ARHGAP15: variants seen among roughly 807,000 people sequenced by gnomAD.
ARHGAP15 encodes Rho GTPase activating protein 15.
Under a neutral mutation model 63.7 loss-of-function variants are expected in ARHGAP15, and 51 were observed. The ratio of observed to expected loss-of-function variants is 0.80; its 90% CI spans 0.64 to 1.01. ARHGAP15 has a LOEUF of 1.01. Among genes scored for constraint, ARHGAP15 ranks in the 50% least tolerant of loss-of-function variants. The pLI is 0.00. For synonymous variants in ARHGAP15, 191 were observed against 193.8 expected, an observed-to-expected ratio of 0.99 and a Z score of 0.12; for missense variants, 560 against 564.6, an observed-to-expected ratio of 0.99 and a Z score of 0.08.
intron 5 of ARHGAP15, among the ~76,000 whole-genome samples, chr2:143,249,270 T>A (rs553760935): frequency 1.3e-5 from 2 of 152,106 alleles, no homozygotes; most frequent in South Asian, 2.1e-4. Flanking sequence ...TTATACAATG[T>A]TTCAAAAAAA....
chr2:143,446,021 G>C (rs373087400), intron 8 of ARHGAP15, among the ~76,000 whole-genome samples: 1 of 151,822 alleles, frequency 6.6e-6, no homozygotes, highest in East Asian at 1.9e-4. Context: ...ATGAGATTGT[G>C]TAAGAAATTT....
chr2:143,321,760 T>C (rs961622935), intron 6 of ARHGAP15, among the ~76,000 whole-genome samples: 13 of 152,334 alleles, frequency 8.5e-5, no homozygotes, highest in Non-Finnish European at 1.8e-4. Flanking sequence ...GTAATGGCAC[T>C]GTCACAGCTC....
At chr2:143,302,207 A>G (rs1317751521) in intron 6 of ARHGAP15, among the ~76,000 whole-genome samples, 1 of 151,928 alleles carries the variant, frequency 6.6e-6, no homozygotes, top group East Asian at 1.9e-4. Context: ...TTGGTGTTCC[A>G]TATCCATCAA....
At chr2:143,553,857 G>A (rs1322446438) in intron 10 of ARHGAP15, among the ~76,000 whole-genome samples, 2 of 152,128 alleles carry the variant, frequency 1.3e-5, no homozygotes, top group East Asian at 3.8e-4. Flanking sequence ...CATTTCAATA[G>A]CATATAGAAT....
At chr2:143,501,319 A>G (rs987518151) in intron 9 of ARHGAP15, among the ~76,000 whole-genome samples, 23 of 152,236 alleles carry the variant, frequency 1.5e-4, no homozygotes, top group Non-Finnish European at 3.4e-4. Context: ...AGCCTTTACA[A>G]TGTTACAATG....
At chr2:143,619,200 C>T (rs1698561917) in intron 11 of ARHGAP15, among the ~76,000 whole-genome samples, 1 of 152,150 alleles carries the variant, frequency 6.6e-6, no homozygotes, top group African/African-American at 2.4e-5. Context: ...GTTCATCTTT[C>T]AGTTCTTTTT....
intron 9 of ARHGAP15, among the ~76,000 whole-genome samples, chr2:143,490,815 A>T (rs1170383849): frequency 6.6e-6 from 1 of 151,878 alleles, no homozygotes; most frequent in Non-Finnish European, 1.5e-5. Flanking sequence ...TTTAGTAGAG[A>T]TGGGGTTTTG....
At chr2:143,142,086 G>GTTT (rs757225134) in intron 1 of ARHGAP15, among the ~76,000 whole-genome samples, 10 of 151,296 alleles carry the variant, frequency 6.6e-5, no homozygotes, top group African/African-American at 2.4e-4. Context: ...ATACTTTTCT[G>GTTT]TTTTTTTTTA....
chr2:143,251,901 C>T (rs1680176056), intron 6 of ARHGAP15, among the ~76,000 whole-genome samples: 1 of 151,984 alleles, frequency 6.6e-6, no homozygotes, highest in African/African-American at 2.4e-5. Flanking sequence ...CCCCTTTCCC[C>T]CAATTTCTTA....
chr2:143,472,201 C>T (rs1691609616), intron 8 of ARHGAP15, among the ~76,000 whole-genome samples: 1 of 151,990 alleles, frequency 6.6e-6, no homozygotes, highest in Non-Finnish European at 1.5e-5. Context: ...TCAAATCAGA[C>T]CTCCTGCCAT....
intron 11 of ARHGAP15, among the ~76,000 whole-genome samples, chr2:143,620,179 C>T (rs183269136): frequency 1.2e-3 from 179 of 152,046 alleles, no homozygotes; most frequent in African/African-American, 4.2e-3. Flanking sequence ...CATTTGATAC[C>T]AACAATTATC....
intron 6 of ARHGAP15, among the ~76,000 whole-genome samples, chr2:143,413,826 T>A (rs1688549092): frequency 6.6e-6 from 1 of 152,108 alleles, no homozygotes; most frequent in Non-Finnish European, 1.5e-5. Flanking sequence ...AAGACCAAAC[T>A]GTGAGCTCAT....
At chr2:143,548,812 A>ATTTCTGCT (rs1351245700) in intron 10 of ARHGAP15, among the ~76,000 whole-genome samples, 1 of 136,676 alleles carries the variant, frequency 7.3e-6, no homozygotes, top group East Asian at 2.2e-4. Context: ...TGTGTCTATG[A>ATTTCTGCT]AGCAAGCATT....
chr2:143,455,706 A>G (rs138300465), intron 8 of ARHGAP15, among the ~76,000 whole-genome samples: 17 of 152,238 alleles, frequency 1.1e-4, no homozygotes, highest in African/African-American at 3.8e-4. Context: ...TCTAATTTAC[A>G]TGTCTAGCTC....
chr2:143,252,415 A>T (rs1176033275), intron 6 of ARHGAP15, among the ~76,000 whole-genome samples: 1 of 151,996 alleles, frequency 6.6e-6, no homozygotes, highest in Non-Finnish European at 1.5e-5. Flanking sequence ...GATCCTTCCA[A>T]AGATATTAAA....
In ARHGAP15 at chr2:143,637,803, T is replaced by A. The variant is rs370082667; in HGVS notation, c.1138+13536T>A. On this transcript the variant is annotated intron_variant, in intron 12 of 13. Transcript: ENST00000295095. The stretch of plus-strand genomic sequence containing the variant: ...TACAATGAACTCAAACAAATCTACA[T>A]GAAAAAAACAAACAACCCCATCAAA... Among the ~76,000 whole-genome samples the A allele has an allele frequency of 1.9e-4, 28 of 147,934 alleles. No individual in the cohort carries two copies. The East Asian group carries it at 4.7e-3, about 25-fold the overall frequency.
rs183524952 is a variant in ARHGAP15 at position 143,452,572 on chromosome 2, A to G, written c.703+15530A>G. On this transcript the variant is annotated intron_variant, in intron 8 of 13. Coordinates refer to ENST00000295095, the MANE Select transcript of ARHGAP15 (RefSeq NM_018460.4). Reference sequence around the variant, plus strand: ...GATGTGCCAGATAAACAGTTTAAGGATAAGTATGTAAAAGATGCATGTGTA... The same window carrying G: ...GATGTGCCAGATAAACAGTTTAAGGGTAAGTATGTAAAAGATGCATGTGTA... 2.7e-4 allele frequency among the ~76,000 whole-genome samples: 41 copies of G among 151,836 alleles called. No individual in the cohort carries two copies. The East Asian group carries it at 6.0e-3, about 22-fold the overall frequency.
At chr2:143,421,477 G>T (rs890626822) in intron 6 of ARHGAP15, among the ~76,000 whole-genome samples, 4 of 151,906 alleles carry the variant, frequency 2.6e-5, no homozygotes, top group Non-Finnish European at 4.4e-5. Flanking sequence ...GAGAAAGAGG[G>T]AGGAAAAGAG....
intron 11 of ARHGAP15, among the ~76,000 whole-genome samples, chr2:143,591,468 G>T (rs953454157): frequency 2.0e-5 from 3 of 152,000 alleles, no homozygotes. Context: ...ATACTTCAGG[G>T]CTCTGCTTCC....
Sources: gnomAD v4.1 joint callset for allele counts (sites outside exome capture counted in the v4.1 genomes callset) on GRCh38, gnomAD v4.1.1 for gene constraint, MANE v1.5 for transcripts, NCBI Gene and HGNC (gene_info 2026-07-23, HGNC 2026-07-21) for gene names.